LIN28B: variants seen among roughly 807,000 people sequenced by gnomAD.
LIN28B encodes lin-28 RNA binding posttranscriptional regulator B.
Under a neutral mutation model 21.9 loss-of-function variants are expected in LIN28B, and 5 were observed. The ratio of observed to expected loss-of-function variants is 0.23; its 90% CI spans 0.12 to 0.48. The LOEUF is 0.48. Ranked by LOEUF, LIN28B falls within the 20% of genes least tolerant of loss-of-function variation. The pLI, the probability that LIN28B is intolerant of heterozygous loss-of-function variation, is 0.98. For synonymous variants in LIN28B, 109 were observed against 111.3 expected (o/e 0.98, Z 0.13); for missense variants, 245 against 310.5 (o/e 0.79, Z 1.58).
chr6:104,969,522 G>A (rs568317967), intron 2 of LIN28B, among the ~76,000 whole-genome samples: 2 of 152,222 alleles, frequency 1.3e-5, no homozygotes, highest in African/African-American at 4.8e-5. Context: ...ATAAAAATGG[G>A]CACAATAGTT....
upstream of LIN28B, among the ~76,000 whole-genome samples, chr6:104,956,235 C>T (rs1370346003): frequency 6.6e-6 from 1 of 151,866 alleles, no homozygotes; most frequent in Non-Finnish European, 1.5e-5. Context: ...GCCTGGCGAT[C>T]CCCTCCCCCT....
rs1259106235 is a variant in LIN28B, at chr6:105,026,371, C to G, written c.272C>G (p.Ser91Cys). 1.2e-6 allele frequency: 2 copies of G among 1,611,648 alleles called. No homozygotes were observed. The highest frequency in any genetic ancestry group is 1.7e-6 in the Non-Finnish European group (2 of 1,178,454). The change falls in exon 3 of 4, where the codon TCC becomes TGC. Residue 91 changes from serine to cysteine, a missense_variant. Ser to Cys is a moderately radical substitution (Grantham distance 112). Coordinates refer to ENST00000345080, the MANE Select transcript of LIN28B (RefSeq NM_001004317.4). Reference sequence around the variant, plus strand: ...GTGGAATTCACATTTAAAAAATCTTCCAAAGGCCTTGAGTCAATACGGGTA... The same window carrying G: ...GTGGAATTCACATTTAAAAAATCTTGCAAAGGCCTTGAGTCAATACGGGTA... ...EPVEFTFKKS[S>C]KGLESIRVTG...
At chr6:104,989,963 T>C (rs1770429081) in intron 2 of LIN28B, among the ~76,000 whole-genome samples, 1 of 152,162 alleles carries the variant, frequency 6.6e-6, no homozygotes, top group Admixed American at 6.5e-5. Context: ...AAGCTATTCA[T>C]TTCCATCGGA....
In LIN28B at chr6:105,080,161, G is replaced by C. The variant is rs1772514891; in HGVS notation, c.*1378G>C. 6.6e-6 allele frequency: 1 copy of C among 152,524 alleles called. No homozygotes were observed. The highest frequency in any genetic ancestry group is 1.5e-5 in the Non-Finnish European group (1 of 68,030). The allele number at this position is 152,524 out of a possible 1,614,324, so 9.4% of individuals were successfully genotyped here. ...TTGGTTCTCGTTAGAGTGATAAACT[G>C]GCTAGGGGCCATAGTATTGGTCCTG... On this transcript the variant is annotated 3_prime_UTR_variant, in exon 4 of 4. Coordinates refer to ENST00000345080, the MANE Select transcript of LIN28B (RefSeq NM_001004317.4).
chr6:104,972,713 T>A (rs1456977914), intron 2 of LIN28B, among the ~76,000 whole-genome samples: 1 of 152,176 alleles, frequency 6.6e-6, no homozygotes, highest in Non-Finnish European at 1.5e-5. Context: ...TTGAAATATG[T>A]GAACAGCCAG....
Position 105,082,059 on chromosome 6 carries a change from T to C in LIN28B, c.*3276T>C, listed in dbSNP as rs976033252. ...AAATGTAATTCCTAAACAAGATGCA[T>C]TGCCAGTCTCTTAGCCCTGTAAGCT... On this transcript the variant is annotated 3_prime_UTR_variant, in exon 4 of 4. Coordinates refer to ENST00000345080, the MANE Select transcript of LIN28B (RefSeq NM_001004317.4). 1.3e-5 allele frequency: 2 copies of C among 152,642 alleles called. No individual in the cohort carries two copies. The highest frequency in any genetic ancestry group is 2.4e-5 in the African/African-American group (1 of 41,454). The allele number at this position is 152,642 out of a possible 1,614,324, so 9.5% of individuals were successfully genotyped here.
At chr6:105,016,358 G>A (rs189005525) in intron 2 of LIN28B, among the ~76,000 whole-genome samples, 1 of 152,310 alleles carries the variant, frequency 6.6e-6, no homozygotes, top group Admixed American at 6.5e-5. Context: ...GATAAAAGGT[G>A]AGCATGGGTT....
At chr6:104,941,724 C>T (rs1778097418) in intron 2 of LIN28B, among the ~76,000 whole-genome samples, 1 of 152,156 alleles carries the variant, frequency 6.6e-6, no homozygotes, top group South Asian at 2.1e-4. Flanking sequence ...CGGGGAAGAA[C>T]GCACTTGGAT....
intron 2 of LIN28B, among the ~76,000 whole-genome samples, chr6:105,010,281 T>G (rs905654368): frequency 8.6e-5 from 13 of 151,472 alleles, no homozygotes; most frequent in African/African-American, 3.2e-4. Flanking sequence ...GTGGATTACT[T>G]GAGCCTGGGA....
intron 3 of LIN28B, among the ~76,000 whole-genome samples, chr6:105,050,608 C>CAAAA (rs61464567): frequency 0.057 from 2,714 of 47,526 alleles, 819 homozygotes; most frequent in African/African-American, 0.16. Context: ...GACTCCGTCT[C>CAAAA]AAAAAAAAAA....
At chr6:104,956,971 G>T, upstream of LIN28B, 2 of 771,148 alleles carry the variant, frequency 2.6e-6, no homozygotes, top group South Asian at 2.3e-5. Context: ...CAGCATAGAT[G>T]AAATGGCGAT....
chr6:105,071,406 CTTTAA>C lies in LIN28B; in HGVS notation c.384-7003_384-6999del, dbSNP rs1044374665. 2.2e-4 allele frequency among the ~76,000 whole-genome samples: 34 copies of C among 152,086 alleles called. 1 individual carries two copies. The highest frequency in any genetic ancestry group is 6.8e-3 in the Middle Eastern group (2 of 294). On this transcript the variant is annotated intron_variant, in intron 3 of 3. Transcript: ENST00000345080. Reference sequence around the variant, plus strand: ...GCAAAATGTTTTTTGGTATATGTGGCTTTAATTTATTTTTCATTTTAACAAGTTTA... The same window carrying C: ...GCAAAATGTTTTTTGGTATATGTGGCTTTATTTTTCATTTTAACAAGTTTA...
intron 2 of LIN28B, among the ~76,000 whole-genome samples, chr6:104,989,085 T>G (rs571993511): frequency 6.6e-6 from 1 of 152,356 alleles, no homozygotes; most frequent in Admixed American, 6.5e-5. Flanking sequence ...CTGTCTTGAT[T>G]AATCTTGCTA....
In LIN28B at chr6:105,026,300, C is replaced by T. The variant is rs759920340; in HGVS notation, c.201C>T (p.Ser67=). 9 of 1,586,904 alleles carry T rather than the reference C, an allele frequency of 5.7e-6. No individual in the cohort carries two copies. In the African/African-American group the frequency reaches 1.2e-4, roughly 22 times the overall value. ...CCACCCTCTTCTGCTCTTTACAGAG[C>T]AAACTATTCATGGAAGGATTTAGAA... ...DIPVDVFVHQ[S]KLFMEGFRSL... is the part of the protein sequence containing the mutation. The change falls in exon 3 of 4, where the codon AGC becomes AGT. Residue 67 remains serine (S), a splice_region_variant and synonymous_variant. Transcript: ENST00000345080.
chr6:105,069,172 T>C (rs201631996), intron 3 of LIN28B, among the ~76,000 whole-genome samples: 1 of 152,088 alleles, frequency 6.6e-6, no homozygotes, highest in South Asian at 2.1e-4. Flanking sequence ...GAGCCAAGAT[T>C]GTGCCACTGC....
chr6:104,949,243 C>G (rs1163732852), intron 2 of LIN28B, among the ~76,000 whole-genome samples: 1 of 152,124 alleles, frequency 6.6e-6, no homozygotes, highest in Non-Finnish European at 1.5e-5. Context: ...CAAAATAAAA[C>G]TTGATACAGG....
rs1384953269 is a variant in LIN28B at position 105,080,477 on chromosome 6, A to G, written c.*1694A>G. 6.6e-6 allele frequency: 1 copy of G among 152,662 alleles called. No homozygotes were observed. The highest frequency in any genetic ancestry group is 1.9e-4 in the East Asian group (1 of 5,180). 9.5% of individuals were successfully genotyped at this position (152,662 alleles called of 1,614,324 possible). A position where few individuals can be genotyped will look rare whatever the true frequency, so the allele number is the denominator to read the frequency against. ...ATAGTTGCTGCTGTTTCAGCAAACC[A>G]CCATAAGACGAAAATGCCTCAGGTT... On this transcript the variant is annotated 3_prime_UTR_variant, in exon 4 of 4. Coordinates refer to ENST00000345080, the MANE Select transcript of LIN28B (RefSeq NM_001004317.4).
chr6:105,004,474 T>C (rs1405105497), intron 2 of LIN28B, among the ~76,000 whole-genome samples: 1 of 152,166 alleles, frequency 6.6e-6, no homozygotes, highest in African/African-American at 2.4e-5. Flanking sequence ...ATCTTTTTTT[T>C]TTCCCCTCAG....
intron 2 of LIN28B, among the ~76,000 whole-genome samples, chr6:104,974,207 C>T (rs767584848): frequency 6.6e-6 from 1 of 151,962 alleles, no homozygotes; most frequent in Non-Finnish European, 1.5e-5. Context: ...AATGCAGATT[C>T]AGGTTGGGTA....
Sources: allele counts gnomAD v4.1 joint callset (sites outside exome capture counted in the v4.1 genomes callset), GRCh38; gene constraint gnomAD v4.1.1; transcripts MANE v1.5; gene names NCBI Gene and HGNC (gene_info 2026-07-23, HGNC 2026-07-21).